The following DDX31 variants were observed in gnomAD, a reference collection of about 807,000 sequenced individuals.
The protein encoded by DDX31 is DEAD-box helicase 31.
A neutral mutation model predicts 91.3 loss-of-function variants in DDX31; 70 were observed. That is an observed-to-expected ratio of 0.77 (90% CI 0.63 to 0.94). The LOEUF is 0.94. DDX31 is among the 40% of genes least tolerant of loss of function. DDX31 has a pLI of 0.00. For synonymous variants in DDX31, 362 were observed against 350.6 expected (o/e 1.03, Z -0.36); for missense variants, 902 against 925.0 (o/e 0.98, Z 0.32).
chr9:132,644,692 G>A (rs1590063026), intron 13 of DDX31, among the ~76,000 whole-genome samples: 2 of 152,284 alleles, frequency 1.3e-5, no homozygotes, highest in Non-Finnish European at 2.9e-5. Flanking sequence ...GATCGACGCC[G>A]CAGAATGCCT....
At chr9:132,648,927 C>T (rs992154189) in intron 9 of DDX31, among the ~76,000 whole-genome samples, 2 of 152,158 alleles carry the variant, frequency 1.3e-5, no homozygotes, top group Non-Finnish European at 2.9e-5. Flanking sequence ...CAAGTGATTC[C>T]ATGCCAATGT....
At position 132,662,653 on chromosome 9, in the gene DDX31, C is replaced by G. The variant is rs1188741575; in HGVS notation, c.118G>C (p.Ala40Pro). The stretch of plus-strand genomic sequence containing the variant: ...TCGTTCCTCCGTTTCGCTGGGGGAG[C>G]CTCACTGGACGCTTGGTATTTTCTT... ...TKRKYQASSE[A>P]PPAKRRNETS... Residue 40 changes from alanine (A) to proline (P), a missense_variant, in exon 2 of 20, where the codon GCT becomes CCT. By Grantham distance (27) the Ala-to-Pro change is conservative. Coordinates refer to ENST00000372159, the MANE Select transcript of DDX31 (RefSeq NM_022779.9). 1.2e-6 allele frequency: 2 copies of G among 1,614,052 alleles called. No individual in the cohort carries two copies. Among genetic ancestry groups the G allele is most frequent in the South Asian group, 1.1e-5 (1 of 91,088 alleles).
Position 132,594,892 on chromosome 9 carries a change from C to T in DDX31, c.2215G>A (p.Asp739Asn). The T allele has an allele frequency of 6.2e-7, 1 of 1,613,832 alleles. No individual in the cohort carries two copies. Among genetic ancestry groups the T allele is most frequent in the Admixed American group, 1.7e-5 (1 of 60,034 alleles). The stretch of plus-strand genomic sequence containing the variant: ...TAAACTTTCTGGGAAGTCTTGCTGT[C>T]CCGCTGTACACCTTTTTGGGTTTTT... The part of the protein sequence containing the change: ...WRKTQKGVQR[D>N]SKTSQKV The change falls in exon 20 of 20, where the codon GAC becomes AAC. Residue 739 changes from aspartate to asparagine, a missense_variant. By Grantham distance (23) the Asp-to-Asn change is conservative. Transcript: ENST00000372159.
At chr9:132,666,060 A>C (rs544851478) in intron 1 of DDX31, among the ~76,000 whole-genome samples, 1 of 152,354 alleles carries the variant, frequency 6.6e-6, no homozygotes, top group African/African-American at 2.4e-5. Flanking sequence ...TATAGTCTTA[A>C]TCCACATGGA....
intron 14 of DDX31, among the ~76,000 whole-genome samples, chr9:132,640,436 TA>T (rs1297099539): frequency 1.3e-5 from 2 of 152,046 alleles, no homozygotes; most frequent in Non-Finnish European, 2.9e-5. Context: ...AAGAGACAAA[TA>T]GGGGTCAGGT....
intron 14 of DDX31, among the ~76,000 whole-genome samples, chr9:132,637,427 C>G (rs1411991212): frequency 6.6e-6 from 1 of 152,262 alleles, no homozygotes; most frequent in Non-Finnish European, 1.5e-5. Flanking sequence ...CCTAGGAGTA[C>G]AGATGGAAGG....
At chr9:132,615,505 C>T (rs900561861) in intron 18 of DDX31, among the ~76,000 whole-genome samples, 2 of 152,176 alleles carry the variant, frequency 1.3e-5, no homozygotes, top group Admixed American at 6.5e-5. Context: ...GGTAAAGTGC[C>T]CAGCCTAGCT....
intron 16 of DDX31, among the ~76,000 whole-genome samples, chr9:132,626,097 G>A (rs558219124): frequency 2.0e-5 from 3 of 148,974 alleles, no homozygotes; most frequent in Non-Finnish European, 4.4e-5. Context: ...AGATGATGAT[G>A]AAATAGAAGC....
chr9:132,599,048 G>A lies in DDX31; in HGVS notation c.1995-3936C>T, dbSNP rs559633625. Among the ~76,000 whole-genome samples the A allele has an allele frequency of 8.8e-4, 134 of 152,298 alleles. 1 individual carries two copies. Among genetic ancestry groups the A allele is most frequent in the East Asian group, 7.7e-4 (4 of 5,192 alleles). On this transcript the variant is annotated intron_variant, in intron 19 of 19. Coordinates refer to ENST00000372159, the MANE Select transcript of DDX31 (RefSeq NM_022779.9). ...ATGACCACAATGGCGCCCTTCATGG[G>A]CTCTACAAATAGATGAAAACATTGA... is the stretch of plus-strand genomic sequence containing the variant.
At chr9:132,647,162 G>T in intron 11 of DDX31, 104 bp from the exon 12 acceptor site, 1 of 1,014,286 alleles carries the variant, frequency 9.9e-7, no homozygotes, top group Non-Finnish European at 1.5e-6. Flanking sequence ...TTAGGACTAC[G>T]TATGTTACCC....
At chr9:132,635,294 G>A (rs565433614) in intron 14 of DDX31, among the ~76,000 whole-genome samples, 2 of 151,972 alleles carry the variant, frequency 1.3e-5, no homozygotes, top group Non-Finnish European at 2.9e-5. Flanking sequence ...TTTCACCCAA[G>A]GCTTTTAGCA....
Position 132,625,733 on chromosome 9 carries a change from A to T in DDX31, c.1644T>A (p.Ile548=), listed in dbSNP as rs751920599. The T allele has an allele frequency of 2.5e-6, 4 of 1,613,658 alleles. No individual in the cohort carries two copies. Among genetic ancestry groups the T allele is most frequent in the Non-Finnish European group, 3.4e-6 (4 of 1,179,886 alleles). The change falls in exon 17 of 20, where the codon ATT becomes ATA. Residue 548 remains isoleucine, a synonymous_variant. Transcript: ENST00000372159. The part of the protein sequence containing the change: ...LASHKINVSE[I]KMEDILCVLT... ...GAACACACAAAATATCTTCCATCTT[A>T]ATCTCAGAAACGCTGTAAAAGGAAG...
intron 17 of DDX31, among the ~76,000 whole-genome samples, chr9:132,619,818 C>CT (rs929035136): frequency 1.3e-5 from 2 of 149,646 alleles, no homozygotes; most frequent in Non-Finnish European, 1.5e-5. Context: ...GAAATGCAAA[C>CT]TTTTTTTTGC....
chr9:132,615,104 T>G (rs12682775), intron 18 of DDX31, among the ~76,000 whole-genome samples: 3 of 152,030 alleles, frequency 2.0e-5, no homozygotes, highest in African/African-American at 7.2e-5. Context: ...GGGTGACGGA[T>G]GAAGCTACAG....
intron 9 of DDX31, 133 bp downstream of exon 9, chr9:132,650,101 G>A: frequency 1.2e-6 from 1 of 837,404 alleles, no homozygotes; most frequent in South Asian, 1.5e-5. Flanking sequence ...GACTCAATCT[G>A]TCCCTGTGCA....
rs112640067 is a variant in DDX31, at chr9:132,609,617, T to C, written c.1994+2470A>G. Reference sequence around the variant, plus strand: ...AGGGATCGGAATAAACAAAGATGTGTGTTTCTTTTTTTTTTCTTCTTTGAG... The same window carrying C: ...AGGGATCGGAATAAACAAAGATGTGCGTTTCTTTTTTTTTTCTTCTTTGAG... On this transcript the variant is annotated intron_variant, in intron 19 of 19. Transcript: ENST00000372159. Among the ~76,000 whole-genome samples, 73 of 152,182 alleles carry C rather than the reference T, an allele frequency of 4.8e-4. 1 individual carries two copies. The highest frequency in any genetic ancestry group is 1.8e-3 in the African/African-American group (73 of 41,528).
At chr9:132,597,098 C>T (rs915781829) in intron 19 of DDX31, among the ~76,000 whole-genome samples, 5 of 152,154 alleles carry the variant, frequency 3.3e-5, no homozygotes, top group African/African-American at 7.2e-5. Flanking sequence ...GGAGATGCCA[C>T]GCACCTCCCC....
intron 18 of DDX31, among the ~76,000 whole-genome samples, chr9:132,613,767 C>T (rs1831480861): frequency 6.6e-6 from 1 of 152,190 alleles, no homozygotes; most frequent in South Asian, 2.1e-4. Flanking sequence ...GAGAAAAAGG[C>T]CAGACTCATT....
chr9:132,604,427 T>A (rs1413248434), intron 19 of DDX31, among the ~76,000 whole-genome samples: 1 of 152,208 alleles, frequency 6.6e-6, no homozygotes, highest in Non-Finnish European at 1.5e-5. Context: ...TGTTCTTGGC[T>A]ATCATCTGTG....
Sources: allele counts gnomAD v4.1 joint callset (sites outside exome capture counted in the v4.1 genomes callset), GRCh38; gene constraint gnomAD v4.1.1; transcripts MANE v1.5; gene names NCBI Gene and HGNC (gene_info 2026-07-23, HGNC 2026-07-21).